TBX1: variants seen among roughly 807,000 people sequenced by gnomAD.
The protein encoded by TBX1 is T-box transcription factor TBX1.
TBX1 carries 16 observed loss-of-function variants against 40.8 expected under a neutral mutation model. The observed-to-expected ratio is 0.39, with a 90% confidence interval of 0.27 to 0.60. The LOEUF is 0.60. Ranked by LOEUF, TBX1 falls within the 20% of genes least tolerant of loss-of-function variation. The pLI, the probability that TBX1 is intolerant of heterozygous loss-of-function variation, is 0.51. For missense variants in TBX1, 755 were observed against 728.5 expected, an observed-to-expected ratio of 1.04 and a Z score of -0.42; for synonymous variants, 403 against 336.8, an observed-to-expected ratio of 1.20 and a Z score of -2.15.
Position 19,766,951 on chromosome 22 carries a change from A to G in TBX1, c.*84A>G. On this transcript the variant is annotated 3_prime_UTR_variant, in exon 7 of 7. Coordinates refer to ENST00000649276, the MANE Select transcript of TBX1 (RefSeq NM_001379200.1). ...GGCCACCCTGCCCCAAGGGCAAGCA[A>G]GGAATACGTTCCCCCAGCCCCAGGG... The G allele has an allele frequency of 1.3e-6, 2 of 1,533,648 alleles. No individual in the cohort carries two copies. Among genetic ancestry groups the G allele is most frequent in the East Asian group, 2.5e-5 (1 of 40,768 alleles).
intron 8 of TBX1, among the ~76,000 whole-genome samples, chr22:19,772,629 GT>G (rs201034904): frequency 1.2e-4 from 18 of 151,630 alleles, no homozygotes; most frequent in African/African-American, 1.7e-4. Flanking sequence ...TTCTCAAATA[GT>G]TTTTTTTTCC....
At chr22:19,768,622 G>T (rs1226057096), downstream of TBX1, among the ~76,000 whole-genome samples, 3 of 152,318 alleles carry the variant, frequency 2.0e-5, no homozygotes, top group East Asian at 1.9e-4. Context: ...TGTGCCCCAC[G>T]GTGGGTGGGG....
At chr22:19,774,116 A>G (rs1479296436) in intron 8 of TBX1, among the ~76,000 whole-genome samples, 1 of 152,242 alleles carries the variant, frequency 6.6e-6, no homozygotes, top group Non-Finnish European at 1.5e-5. Context: ...GTTGGTGAGG[A>G]CATGGAGCCC....
chr22:19,763,326 G>A lies in TBX1; in HGVS notation c.523G>A (p.Asp175Asn), dbSNP rs371125236. The change falls in exon 2 of 7, where the codon GAC becomes AAC. Residue 175 changes from aspartate (D) to asparagine (N), a missense_variant. This residue lies in a region of TBX1 where 144 missense variants were observed against 238.0 expected (regional missense o/e 0.61). Coordinates refer to ENST00000649276, the MANE Select transcript of TBX1 (RefSeq NM_001379200.1). Reference sequence around the variant, plus strand: ...GCTGCTCATGGACTTCGTGCCGGTGGACGATAAGCGCTACCGGTGAGCGAG... The same window carrying A: ...GCTGCTCATGGACTTCGTGCCGGTGAACGATAAGCGCTACCGGTGAGCGAG... Reference protein sequence around the residue: ...YMLLMDFVPVDDKRYRYAFHS... With the variant: ...YMLLMDFVPVNDKRYRYAFHS... 2 of 1,614,206 alleles carry A rather than the reference G, an allele frequency of 1.2e-6. No individual in the cohort carries two copies. The highest frequency in any genetic ancestry group is 3.3e-5 in the Admixed American group (2 of 60,030).
chr22:19,763,719 C>T (rs566932730), intron 2 of TBX1: 161 of 396,752 alleles, frequency 4.1e-4, no homozygotes, highest in Non-Finnish European at 5.8e-4. Flanking sequence ...GGAGCTGGGC[C>T]GGAAAGGTGG....
chr22:19,776,134 CAGCGGCTTCCCCAGGG>C (rs1236036466), intron 8 of TBX1, among the ~76,000 whole-genome samples: 1 of 152,134 alleles, frequency 6.6e-6, no homozygotes, highest in African/African-American at 2.4e-5. Flanking sequence ...CTGGAAGTCC[CAGCGGCTTCCCCAGGG>C]ACAGGCAGTG....
chr22:19,780,636 G>A (rs1937131100), downstream of TBX1, among the ~76,000 whole-genome samples: 2 of 152,134 alleles, frequency 1.3e-5, no homozygotes, highest in Non-Finnish European at 2.9e-5. Context: ...TCTGCCACAA[G>A]AGGAACTGCT....
upstream of TBX1, among the ~76,000 whole-genome samples, chr22:19,759,895 T>C (rs566123674): frequency 1.2e-4 from 19 of 152,176 alleles, no homozygotes; most frequent in Non-Finnish European, 2.8e-4. Context: ...CACTCAGGTA[T>C]ACACAGGCCC....
At chr22:19,777,592 A>G (rs1337670895) in intron 8 of TBX1, among the ~76,000 whole-genome samples, 1 of 151,980 alleles carries the variant, frequency 6.6e-6, no homozygotes. Flanking sequence ...GGGGTGGCTG[A>G]GTTCTACTCT....
chr22:19,774,713 G>C (rs908299582), intron 8 of TBX1, among the ~76,000 whole-genome samples: 1 of 152,148 alleles, frequency 6.6e-6, no homozygotes, highest in Non-Finnish European at 1.5e-5. Context: ...AATTGAGCCG[G>C]TCACAAAGGA....
intron 8 of TBX1, among the ~76,000 whole-genome samples, chr22:19,774,818 G>A (rs1937040962): frequency 1.3e-5 from 2 of 152,186 alleles, no homozygotes; most frequent in African/African-American, 4.8e-5. Context: ...AGGGACTGGG[G>A]GAGAGGAATG....
In TBX1 at chr22:19,764,131, C is replaced by T. The variant is rs138558623; in HGVS notation, c.540-24C>T. On this transcript the variant is annotated intron_variant, in intron 2 of 6. Coordinates refer to ENST00000649276, the MANE Select transcript of TBX1 (RefSeq NM_001379200.1). ...CCCTCTGGGTTCACCTCCACATGCA[C>T]GACCCCACCCCGTGCCGCTCCAGGT... is the stretch of plus-strand genomic sequence containing the variant. 7.2e-4 allele frequency: 1,159 copies of T among 1,612,144 alleles called. 8 individuals are homozygous for T. The African/African-American group carries it at 0.013, about 19-fold the overall frequency.
upstream of TBX1, among the ~76,000 whole-genome samples, chr22:19,757,256 T>C (rs1039511825): frequency 1.5e-4 from 23 of 152,154 alleles, no homozygotes; most frequent in Admixed American, 4.6e-4. Flanking sequence ...TCTTCTCTGC[T>C]GTGGCAAGCT....
chr22:19,778,837 T>C (rs1051477754), intron 8 of TBX1, among the ~76,000 whole-genome samples: 14 of 152,180 alleles, frequency 9.2e-5, no homozygotes, highest in Admixed American at 5.9e-4. Flanking sequence ...GATAACTGCT[T>C]GAACTTGGGA....
intron 8 of TBX1, among the ~76,000 whole-genome samples, chr22:19,778,436 CTTCT>C (rs1937099530): frequency 6.8e-6 from 1 of 146,868 alleles, no homozygotes. Flanking sequence ...TTCTTTTCTT[CTTCT>C]TTTTTTTTTT....
chr22:19,761,559 G>T (rs1601284252), intron 1 of TBX1, among the ~76,000 whole-genome samples: 3 of 151,756 alleles, frequency 2.0e-5, no homozygotes, highest in East Asian at 1.9e-4. Flanking sequence ...GGACTCGCCC[G>T]CCCGCCCCGC....
chr22:19,769,423 T>A (rs776126043), downstream of TBX1, among the ~76,000 whole-genome samples: 1 of 152,206 alleles, frequency 6.6e-6, no homozygotes, highest in South Asian at 2.1e-4. Context: ...TTTCCTCCCC[T>A]CCACCTTTGT....
At chr22:19,770,599 G>A (rs1227963470), downstream of TBX1, among the ~76,000 whole-genome samples, 4 of 152,192 alleles carry the variant, frequency 2.6e-5, no homozygotes, top group East Asian at 1.9e-4. Context: ...ACCCTGGCCC[G>A]GTGGAGATGA....
intron 3 of TBX1, 95 bp downstream of exon 3, chr22:19,764,421 C>A (rs1327596933): frequency 6.6e-7 from 1 of 1,507,050 alleles, no homozygotes; most frequent in African/African-American, 1.4e-5. Context: ...TCCCCAGGCC[C>A]CCGGCTGTCC....
Sources: gnomAD v4.1 joint callset for allele counts (sites outside exome capture counted in the v4.1 genomes callset) on GRCh38, gnomAD v4.1.1 for gene constraint, gnomAD v4.1.1 regional missense constraint, MANE v1.5 for transcripts, NCBI Gene and HGNC (gene_info 2026-07-23, HGNC 2026-07-21) for gene names.